Variants in SI observed in about 807,000 individuals in gnomAD.
SI encodes the protein sucrase-isomaltase.
Under a neutral mutation model 253.3 loss-of-function variants are expected in SI, and 235 were observed. That is an observed-to-expected ratio of 0.93 (90% CI 0.83 to 1.03). The LOEUF is 1.03. Among genes scored for constraint, SI ranks in the 50% least tolerant of loss-of-function variants. SI has a pLI of 0.00. For missense variants in SI, 2,442 were observed against 2,211.1 expected, an observed-to-expected ratio of 1.10 and a Z score of -2.09; for synonymous variants, 819 against 712.0, an observed-to-expected ratio of 1.15 and a Z score of -2.39.
intron 13 of SI, among the ~76,000 whole-genome samples, chr3:165,054,219 C>A (rs187302957): frequency 1.3e-5 from 2 of 152,080 alleles, no homozygotes; most frequent in African/African-American, 4.8e-5. Flanking sequence ...TGGTGTGGAC[C>A]TAAAAACCAA....
upstream of SI, among the ~76,000 whole-genome samples, chr3:165,078,702 C>T (rs902380493): frequency 6.6e-6 from 1 of 151,602 alleles, no homozygotes; most frequent in African/African-American, 2.4e-5. Flanking sequence ...TTTCTCAAAG[C>T]TGTGAACTAT....
intron 3 of SI, among the ~76,000 whole-genome samples, chr3:165,072,663 T>A (rs1009665486): frequency 2.6e-5 from 4 of 152,068 alleles, no homozygotes; most frequent in Non-Finnish European, 5.9e-5. Context: ...GACTACTGAG[T>A]TCGTGAAACA....
At chr3:165,082,477 T>C (rs1361652470), upstream of SI, among the ~76,000 whole-genome samples, 1 of 152,040 alleles carries the variant, frequency 6.6e-6, no homozygotes, top group Non-Finnish European at 1.5e-5. Flanking sequence ...TGATACTTAA[T>C]GCCTGGAGGC....
At chr3:165,020,275 T>C (rs947893201) in intron 27 of SI, among the ~76,000 whole-genome samples, 1 of 151,740 alleles carries the variant, frequency 6.6e-6, no homozygotes, top group Non-Finnish European at 1.5e-5. Flanking sequence ...TTATTTTATG[T>C]TCATAAAAAT....
In SI at chr3:164,990,678, A is replaced by G. The variant is rs575004467; in HGVS notation, c.5108+675T>C. On this transcript the variant is annotated intron_variant, in intron 44 of 47. Transcript: ENST00000264382. ...AACCAAACACCGCATGTTCTCAGTC[A>G]TAGGTGGGAATTGAACAATGAGAAC... Among the ~76,000 whole-genome samples the G allele has an allele frequency of 4.7e-4, 71 of 152,254 alleles. 1 individual carries two copies. The South Asian group carries it at 4.8e-3, about 10-fold the overall frequency.
intron 27 of SI, 96 bp downstream of exon 27, chr3:165,021,133 G>T: frequency 2.8e-6 from 3 of 1,063,806 alleles, no homozygotes; most frequent in Non-Finnish European, 4.3e-6. Context: ...TTTGTGTGAT[G>T]CTACTCTAGG....
At chr3:165,073,726 A>G (rs1048557528) in intron 3 of SI, among the ~76,000 whole-genome samples, 12 of 152,130 alleles carry the variant, frequency 7.9e-5, no homozygotes, top group African/African-American at 2.9e-4. Context: ...AAAAATATCA[A>G]CATGGTAATA....
In SI at chr3:164,996,773, C is replaced by A. The variant is rs868525953; in HGVS notation, c.4541-1G>T. 9.8e-7 allele frequency: 1 copy of A among 1,020,518 alleles called. No homozygotes were observed. Among genetic ancestry groups the A allele is most frequent in the Non-Finnish European group, 1.5e-6 (1 of 675,406 alleles). 63.2% of individuals were successfully genotyped at this position (1,020,518 alleles called of 1,614,324 possible). A position where few individuals can be genotyped will look rare whatever the true frequency, so the allele number is the denominator to read the frequency against. On this transcript the variant is annotated splice_acceptor_variant, in intron 38 of 47. Coordinates refer to ENST00000264382, the MANE Select transcript of SI (RefSeq NM_001041.4). LOFTEE classifies it high-confidence loss of function. Reference sequence around the variant, plus strand: ...CCAAACAGACTAAATTCCATCATACCTGAAAAAGTTAGAAAAAATATCTTA... The same window carrying A: ...CCAAACAGACTAAATTCCATCATACATGAAAAAGTTAGAAAAAATATCTTA...
intron 37 of SI, among the ~76,000 whole-genome samples, chr3:165,003,121 A>G (rs879719619): frequency 1.1e-4 from 16 of 151,918 alleles, no homozygotes; most frequent in Non-Finnish European, 2.2e-4. Flanking sequence ...TGATTATAAC[A>G]GGATAATGAT....
At chr3:165,026,200 C>G (rs1410101159) in intron 25 of SI, among the ~76,000 whole-genome samples, 1 of 151,172 alleles carries the variant, frequency 6.6e-6, no homozygotes, top group Non-Finnish European at 1.5e-5. Context: ...TCAGACAAAA[C>G]AAACTTTAAA....
At chr3:164,989,392 GAA>G (rs1553768890) in intron 44 of SI, among the ~76,000 whole-genome samples, 3 of 124,528 alleles carry the variant, frequency 2.4e-5, no homozygotes, top group Admixed American at 8.5e-5. Context: ...AAGAAAGGAA[GAA>G]AGAAAGAAAG....
intron 16 of SI, among the ~76,000 whole-genome samples, chr3:165,045,300 T>C (rs978264327): frequency 6.6e-6 from 1 of 152,070 alleles, no homozygotes; most frequent in Non-Finnish European, 1.5e-5. Flanking sequence ...TGAGCCTTCT[T>C]ATTATTGAAC....
intron 25 of SI, among the ~76,000 whole-genome samples, chr3:165,024,536 GA>G (rs1266590239): frequency 3.3e-5 from 5 of 151,064 alleles, no homozygotes; most frequent in Non-Finnish European, 5.9e-5. Context: ...ACTAAATTGA[GA>G]TACTCTGTTT....
intron 25 of SI, 59 bp downstream of exon 25, chr3:165,030,653 T>C: frequency 6.6e-7 from 1 of 1,523,420 alleles, no homozygotes; most frequent in South Asian, 1.2e-5. Flanking sequence ...TATGTAAAAT[T>C]TGCACCAAAA....
chr3:165,041,085 G>T lies in SI; in HGVS notation c.2014C>A (p.Pro672Thr). ...AGTGAATTCTGCCCAAAAAATGCAG[G>T]ATCCTGATGCTGTGAGATAGAAAGA... ...HNSDGYEHQD[P>T]AFFGQNSLLV... The change falls in exon 18 of 48, where the codon CCT becomes ACT. Residue 672 changes from proline to threonine, a missense_variant. Coordinates refer to ENST00000264382, the MANE Select transcript of SI (RefSeq NM_001041.4). 1 of 1,612,542 alleles carries T rather than the reference G, an allele frequency of 6.2e-7. No individual in the cohort carries two copies.
intron 41 of SI, 41 bp from the exon 42 acceptor site, chr3:164,992,438 A>G (rs1717797781): frequency 7.6e-7 from 1 of 1,317,562 alleles, no homozygotes; most frequent in South Asian, 1.2e-5. Context: ...AAAACAAATA[A>G]CTTTCTTCTG....
At chr3:165,066,936 C>CAT (rs1454664158) in intron 6 of SI, among the ~76,000 whole-genome samples, 4 of 151,904 alleles carry the variant, frequency 2.6e-5, no homozygotes, top group African/African-American at 4.8e-5. Context: ...TTGGATTCTA[C>CAT]ATATATATAA....
Position 165,012,984 on chromosome 3 carries a change from A to T in SI, c.4058T>A (p.Val1353Asp). The T allele has an allele frequency of 6.2e-7, 1 of 1,600,838 alleles. No homozygotes were observed. The highest frequency in any genetic ancestry group is 8.6e-7 in the Non-Finnish European group (1 of 1,168,010). The stretch of plus-strand genomic sequence containing the variant: ...GTTAGCCCGTGTAAAACTTACATTA[A>T]CAGCTTCATCTTCCGTTAGAGTTTT... The part of the protein sequence containing the change: ...IDKTLTEDEA[V>D]NASRAHVAFP... Residue 1353 changes from valine to aspartate, a missense_variant, in exon 34 of 48, where the codon GTT becomes GAT. By Grantham distance (152) the Val-to-Asp change is radical. Transcript: ENST00000264382.
chr3:165,007,927 A>T lies in SI; in HGVS notation c.4251T>A (p.Tyr1417Ter). The T allele has an allele frequency of 6.3e-7, 1 of 1,587,460 alleles. No individual in the cohort carries two copies. Among genetic ancestry groups the T allele is most frequent in the Non-Finnish European group, 8.6e-7 (1 of 1,157,186 alleles). ...TNQCRNDELN[Y>*]PPYFPELTKR... ...ATATTGTACCTGGGAAATAAGGTGGATAATTTAGTTCGTCATTTCTGCATT... is the reference window on the plus strand; with the variant it reads ...ATATTGTACCTGGGAAATAAGGTGGTTAATTTAGTTCGTCATTTCTGCATT... Residue 1417 changes from tyrosine to a stop codon, truncating the protein, a stop_gained, in exon 36 of 48, where the codon TAT becomes TAA. Transcript: ENST00000264382. LOFTEE classifies it high-confidence loss of function.
Sources: gnomAD v4.1 joint callset for allele counts (sites outside exome capture counted in the v4.1 genomes callset) on GRCh38, gnomAD v4.1.1 for gene constraint, MANE v1.5 for transcripts, NCBI Gene and HGNC (gene_info 2026-07-23, HGNC 2026-07-21) for gene names.